Variants in TMEM123 observed in about 807,000 individuals in gnomAD.
TMEM123 encodes transmembrane protein 123, also known as porimin.
A neutral mutation model predicts 19.7 loss-of-function variants in TMEM123; 16 were observed. That is an observed-to-expected ratio of 0.81 (90% CI 0.55 to 1.23). The LOEUF (loss-of-function observed/expected upper bound fraction) is 1.23, where lower values mean the gene tolerates loss of function less well. TMEM123 is among the 50% of genes most tolerant of loss of function. TMEM123 has a pLI of 0.00. For missense variants in TMEM123, 313 were observed against 257.8 expected (o/e 1.21, Z -1.47); for synonymous variants, 118 against 99.4 (o/e 1.19, Z -1.12).
intron 4 of TMEM123, among the ~76,000 whole-genome samples, chr11:102,400,514 G>GA (rs1258098816): frequency 6.6e-6 from 1 of 152,178 alleles, no homozygotes; most frequent in Non-Finnish European, 1.5e-5. Context: ...GCAAATTTTG[G>GA]AAAACAGTCA....
chr11:102,399,993 TAAATTATCATTTTTG>T (rs1450624817), intron 4 of TMEM123, among the ~76,000 whole-genome samples: 1 of 152,052 alleles, frequency 6.6e-6, no homozygotes, highest in Non-Finnish European at 1.5e-5. Context: ...AATCTGTTCT[TAAATTATCATTTTTG>T]TTTAAGTATT....
At chr11:102,430,672 G>A (rs1285445945) in intron 2 of TMEM123, among the ~76,000 whole-genome samples, 6 of 152,178 alleles carry the variant, frequency 3.9e-5, no homozygotes, top group Non-Finnish European at 8.8e-5. Flanking sequence ...ACAGAGCTAG[G>A]AAAAACACGT....
chr11:102,437,771 T>C (rs894526826), intron 2 of TMEM123, among the ~76,000 whole-genome samples: 1 of 152,186 alleles, frequency 6.6e-6, no homozygotes, highest in African/African-American at 2.4e-5. Context: ...AGAATCCACA[T>C]TTCTGACCTT....
chr11:102,429,812 T>TA (rs1169250737), intron 2 of TMEM123, among the ~76,000 whole-genome samples: 1 of 152,214 alleles, frequency 6.6e-6, no homozygotes, highest in Non-Finnish European at 1.5e-5. Flanking sequence ...CCACCATCAC[T>TA]AAAGCCTCAC....
At chr11:102,419,824 C>G (rs919342052) in intron 2 of TMEM123, among the ~76,000 whole-genome samples, 3 of 152,224 alleles carry the variant, frequency 2.0e-5, no homozygotes, top group African/African-American at 4.8e-5. Flanking sequence ...GCAGCATTAT[C>G]AATTCTATCC....
intron 2 of TMEM123, among the ~76,000 whole-genome samples, chr11:102,435,897 T>C (rs768236616): frequency 1.3e-5 from 2 of 151,774 alleles, no homozygotes; most frequent in Non-Finnish European, 2.9e-5. Context: ...GGGTGATAAA[T>C]AAAGAGCACA....
rs1951869783 is a variant in TMEM123, at chr11:102,397,715, T to TAAAAATGTCATTTCCCCAA, written c.*1133_*1151dup. On this transcript the variant is annotated 3_prime_UTR_variant, in exon 5 of 5. Transcript: ENST00000398136. ...AAATATTTTGGTGTTTGTTTTAGTA[T>TAAAAATGTCATTTCCCCAA]AAAAATGTCATTTCCCCAAATCTGA... The TAAAAATGTCATTTCCCCAA allele has an allele frequency of 6.6e-6, 1 of 151,882 alleles. No individual in the cohort carries two copies. Among genetic ancestry groups the TAAAAATGTCATTTCCCCAA allele is most frequent in the Non-Finnish European group, 1.5e-5 (1 of 67,824 alleles). The allele number at this position is 151,882 out of a possible 1,614,324, so 9.4% of individuals were successfully genotyped here.
chr11:102,448,590 GA>G, intron 2 of TMEM123, among the ~76,000 whole-genome samples: 1 of 152,138 alleles, frequency 6.6e-6, no homozygotes, highest in East Asian at 1.9e-4. Context: ...TTTTGTTTTA[GA>G]ATTTATTGAC....
chr11:102,412,963 A>AT (rs1952017000), intron 2 of TMEM123, among the ~76,000 whole-genome samples: 1 of 152,216 alleles, frequency 6.6e-6, no homozygotes, highest in African/African-American at 2.4e-5. Context: ...AATAAGTAAC[A>AT]TATTTCTCAA....
In TMEM123 at chr11:102,424,443, T is replaced by C. The variant is rs780091322; in HGVS notation, c.158-22237A>G. On this transcript the variant is annotated intron_variant, in intron 2 of 4. Transcript: ENST00000398136. ...GCTCACGCCTATAATCCCAACACTTTGGGAGGCTAAGGCAGGTGGATCACT... is the reference window on the plus strand; with the variant it reads ...GCTCACGCCTATAATCCCAACACTTCGGGAGGCTAAGGCAGGTGGATCACT... 1.4e-3 allele frequency among the ~76,000 whole-genome samples: 215 copies of C among 152,292 alleles called. 4 individuals are homozygous for C. Among genetic ancestry groups the C allele is most frequent in the Non-Finnish European group, 3.7e-4 (25 of 68,024 alleles).
rs1951877385 is a variant in TMEM123 at position 102,398,151 on chromosome 11, T to A, written c.*716A>T. On this transcript the variant is annotated 3_prime_UTR_variant, in exon 5 of 5. Transcript: ENST00000398136. ...ACATTATTATGTTAAACACTGCAGT[T>A]TACCTAAATTACACAGAGAACAAAA... The A allele has an allele frequency of 6.5e-6, 1 of 154,902 alleles. No homozygotes were observed. Among genetic ancestry groups the A allele is most frequent in the Non-Finnish European group, 1.4e-5 (1 of 69,984 alleles). The allele number at this position is 154,902 out of a possible 1,614,324, so 9.6% of individuals were successfully genotyped here.
intron 2 of TMEM123, among the ~76,000 whole-genome samples, chr11:102,420,395 G>C (rs562761057): frequency 6.6e-6 from 1 of 152,162 alleles, no homozygotes; most frequent in African/African-American, 2.4e-5. Flanking sequence ...TGCTCTATAG[G>C]TATCTGTCTG....
At chr11:102,446,888 C>T (rs1021119720) in intron 2 of TMEM123, among the ~76,000 whole-genome samples, 2 of 152,176 alleles carry the variant, frequency 1.3e-5, no homozygotes, top group Middle Eastern at 3.4e-3. Context: ...GGAAATATGG[C>T]GCCACAGAAA....
intron 2 of TMEM123, among the ~76,000 whole-genome samples, chr11:102,424,971 G>A (rs1311848662): frequency 1.3e-5 from 2 of 152,146 alleles, no homozygotes; most frequent in Non-Finnish European, 2.9e-5. Flanking sequence ...GGTGTTTCCA[G>A]GAAACACTAG....
intron 2 of TMEM123, among the ~76,000 whole-genome samples, chr11:102,407,401 C>A (rs1951965087): frequency 6.6e-6 from 1 of 152,186 alleles, no homozygotes; most frequent in Non-Finnish European, 1.5e-5. Flanking sequence ...GAGGGTAGAG[C>A]CACCAGGGGA....
At chr11:102,421,460 A>C (rs1438694255) in intron 2 of TMEM123, among the ~76,000 whole-genome samples, 4 of 152,276 alleles carry the variant, frequency 2.6e-5, no homozygotes, top group African/African-American at 9.6e-5. Context: ...TGCAGCTGCC[A>C]CATAAGAATT....
intron 2 of TMEM123, among the ~76,000 whole-genome samples, chr11:102,436,072 T>TA (rs56933811): frequency 0.081 from 12,301 of 151,150 alleles, 790 homozygotes; most frequent in African/African-American, 0.14. Context: ...TGAAGGTATT[T>TA]AAAAAAAAAT....
At chr11:102,407,767 C>CA (rs1281735438) in intron 2 of TMEM123, among the ~76,000 whole-genome samples, 1 of 152,166 alleles carries the variant, frequency 6.6e-6, no homozygotes, top group Non-Finnish European at 1.5e-5. Flanking sequence ...CAGATTCTCT[C>CA]AAAGCCCCCA....
At chr11:102,449,155 A>G (rs1857913326) in intron 1 of TMEM123, 1 of 317,350 alleles carries the variant, frequency 3.2e-6, no homozygotes, top group African/African-American at 2.1e-5. Context: ...GCCAAAATTC[A>G]TTTACCCACA....
Sources: gnomAD v4.1 joint callset for allele counts (sites outside exome capture counted in the v4.1 genomes callset) on GRCh38, gnomAD v4.1.1 for gene constraint, MANE v1.5 for transcripts, NCBI Gene and HGNC (gene_info 2026-07-23, HGNC 2026-07-21) for gene names.